Variants in ABCA6 observed in about 807,000 individuals in gnomAD.
ABCA6 encodes the protein ATP binding cassette subfamily A member 6.
A neutral mutation model predicts 191.2 loss-of-function variants in ABCA6; 164 were observed. The ratio of observed to expected loss-of-function variants is 0.86; its 90% CI spans 0.76 to 0.98. The LOEUF (loss-of-function observed/expected upper bound fraction) is 0.98, where lower values mean the gene tolerates loss of function less well. Among genes scored for constraint, ABCA6 ranks in the 50% least tolerant of loss-of-function variants. The probability of loss-of-function intolerance (pLI) is 0.00; values close to 1 mark genes in which losing one functional copy is unlikely to be tolerated. For missense variants in ABCA6, 1,958 were observed against 1,894.1 expected, an observed-to-expected ratio of 1.03 and a Z score of -0.63; for synonymous variants, 636 against 647.7, an observed-to-expected ratio of 0.98 and a Z score of 0.27.
In ABCA6 at chr17:69,113,362, T is replaced by C. The variant is rs1326805521; in HGVS notation, c.1903-2A>G. The C allele has an allele frequency of 6.3e-7, 1 of 1,589,986 alleles. No homozygotes were observed. On this transcript the variant is annotated splice_acceptor_variant, in intron 14 of 38. Transcript: ENST00000284425. LOFTEE classifies it high-confidence loss of function. The stretch of plus-strand genomic sequence containing the variant: ...AGTTGGTTCATCTAAAAGCAAAATC[T>C]ACAGAGAATGAAGATATATAAAATA...
chr17:69,082,881 C>T lies in ABCA6; in HGVS notation c.4608G>A (p.Gly1536=), dbSNP rs776944594. 2.5e-6 allele frequency: 4 copies of T among 1,614,182 alleles called. No homozygotes were observed. In the South Asian group the frequency reaches 4.4e-5, roughly 18 times the overall value. Residue 1536 remains glycine, a synonymous_variant, in exon 36 of 39, where the codon GGG becomes GGA. Transcript: ENST00000284425. ...EILKLFPQAA[G]QERYSSLLTY... ...TCAAAAGCCCGTCTCACCTTTCCTG[C>T]CCTGCAGCCTGTGGGAAAAGCTTCA...
chr17:69,096,268 C>A lies in ABCA6; in HGVS notation c.3380G>T (p.Ser1127Ile), dbSNP rs1466035915. 3 of 1,517,426 alleles carry A rather than the reference C, an allele frequency of 2.0e-6. No homozygotes were observed. The highest frequency in any genetic ancestry group is 2.7e-6 in the Non-Finnish European group (3 of 1,129,574). The allele number at this position is 1,517,426 out of a possible 1,614,324, so 94.0% of individuals were successfully genotyped here. ...AAAGAAGTAAAATGACCAAAGGCCA[C>A]TGTTTTTTCTCCTTTTGCGAAAAAT... ...SFIFRKRRKN[S>I]GLWSFYFFFA... is the part of the protein sequence containing the mutation. Residue 1127 changes from serine (S) to isoleucine (I), a missense_variant, in exon 25 of 39, where the codon AGT becomes ATT. By Grantham distance (142) the Ser-to-Ile change is moderately radical. Coordinates refer to ENST00000284425, the MANE Select transcript of ABCA6 (RefSeq NM_080284.3).
At chr17:69,116,968 A>G (rs2084437457) in intron 11 of ABCA6, among the ~76,000 whole-genome samples, 1 of 152,114 alleles carries the variant, frequency 6.6e-6, no homozygotes, top group African/African-American at 2.4e-5. Flanking sequence ...CTTGATGAGT[A>G]CAAAGGTAGT....
intron 23 of ABCA6, among the ~76,000 whole-genome samples, chr17:69,097,245 G>A (rs1049554494): frequency 1.3e-5 from 2 of 152,132 alleles, no homozygotes; most frequent in Admixed American, 6.6e-5. Flanking sequence ...ACAAAAAGTA[G>A]TTGGGCATGG....
At chr17:69,113,891 G>A (rs147476672) in intron 13 of ABCA6, among the ~76,000 whole-genome samples, 154 bp from the exon 14 acceptor site, 6,474 of 152,104 alleles carry the variant, frequency 0.043, 153 homozygotes, top group South Asian at 0.066. Context: ...TTAGTATGGC[G>A]ATCATTAAAA....
At position 69,140,642 on chromosome 17, in the gene ABCA6, A is replaced by G. The variant is rs2074012415; in HGVS notation, c.62T>C (p.Leu21Pro). The G allele has an allele frequency of 6.2e-7, 1 of 1,600,726 alleles. No homozygotes were observed. The highest frequency in any genetic ancestry group is 8.5e-7 in the Non-Finnish European group (1 of 1,174,136). ...QTKALLCKNF[L>P]KKWRMKRESL... ...CTCTCTTTTCATCCTCCATTTCTTA[A>G]GAAAATTCTTGCACAGAAGTGCTTT... Residue 21 changes from leucine to proline, a missense_variant, in exon 2 of 39, where the codon CTT (leucine) becomes CCT (proline). Physicochemically the swap from Leu to Pro is moderately conservative, Grantham distance 98 (BLOSUM62 -3). Transcript: ENST00000284425.
intron 11 of ABCA6, among the ~76,000 whole-genome samples, chr17:69,117,140 C>A (rs1273581097): frequency 6.6e-6 from 1 of 151,866 alleles, no homozygotes; most frequent in African/African-American, 2.4e-5. Context: ...TCTCAAAGAC[C>A]TAATCTAAAA....
chr17:69,129,526 G>T, intron 7 of ABCA6, 84 bp downstream of exon 7: 1 of 1,165,144 alleles, frequency 8.6e-7, no homozygotes, highest in Non-Finnish European at 1.2e-6. Context: ...AGTAGTGATT[G>T]CAGTAACCTA....
intron 31 of ABCA6, 73 bp from the exon 32 acceptor site, chr17:69,085,255 A>G: frequency 1.4e-6 from 2 of 1,429,264 alleles, no homozygotes; most frequent in Non-Finnish European, 9.4e-7. Context: ...AGAAACTGAC[A>G]TATATAAGCG....
In ABCA6 at chr17:69,136,366, T is replaced by C. The variant is rs924659152; in HGVS notation, c.302-116A>G. 4.5e-6 allele frequency: 4 copies of C among 883,436 alleles called. No individual in the cohort carries two copies. In the African/African-American group the frequency reaches 7.0e-5, roughly 15 times the overall value. 54.7% of individuals were successfully genotyped at this position (883,436 alleles called of 1,614,324 possible). A position where few individuals can be genotyped will look rare whatever the true frequency, so the allele number is the denominator to read the frequency against. On this transcript the variant is annotated intron_variant, in intron 3 of 38. Transcript: ENST00000284425. ...CATTAGACTTAAATTAAAATCATTT[T>C]CCATTTAAATCAATTTTAACCCAAA...
chr17:69,081,274 AATATGAAATCACAG>A, intron 36 of ABCA6, 129 bp from the exon 37 acceptor site: 1 of 551,232 alleles, frequency 1.8e-6, no homozygotes, highest in Middle Eastern at 2.9e-4. Flanking sequence ...GTATGGCTTA[AATATGAAATCACAG>A]CATTGTTTTG....
At chr17:69,116,660 T>C (rs1194838790) in intron 11 of ABCA6, among the ~76,000 whole-genome samples, 1 of 152,084 alleles carries the variant, frequency 6.6e-6, no homozygotes, top group Non-Finnish European at 1.5e-5. Flanking sequence ...GTGGTATCCA[T>C]ATAATGGAAT....
At chr17:69,133,547 AG>A in intron 6 of ABCA6, 93 bp downstream of exon 6, 3 of 957,978 alleles carry the variant, frequency 3.1e-6, no homozygotes, top group Non-Finnish European at 4.7e-6. Flanking sequence ...CAATGCATCA[AG>A]TTTAAACCAT....
chr17:69,089,573 T>G (rs1224759852), intron 26 of ABCA6, 31 bp from the exon 27 acceptor site: 1 of 1,477,400 alleles, frequency 6.8e-7, no homozygotes, highest in Non-Finnish European at 9.4e-7. Context: ...ACACACACAC[T>G]AATGATAATT....
chr17:69,115,415 G>C lies in ABCA6; in HGVS notation c.1567C>G (p.Leu523Val). 1 of 1,611,816 alleles carries C rather than the reference G, an allele frequency of 6.2e-7. No individual in the cohort carries two copies. Among genetic ancestry groups the C allele is most frequent in the Non-Finnish European group, 8.5e-7 (1 of 1,178,840 alleles). ...LGHSGAGKSS[L>V]LNILNGLSVP... is the part of the protein sequence containing the mutation. ...GACAATCCATTAAGAATATTTAGCA[G>C]TGAAGATTTGCCAGCTCCACTGTGA... The change falls in exon 12 of 39, where the codon CTG (leucine) becomes GTG (valine). Residue 523 changes from leucine (L) to valine (V), a missense_variant. Transcript: ENST00000284425.
intron 6 of ABCA6, among the ~76,000 whole-genome samples, chr17:69,132,543 C>A (rs186698331): frequency 2.6e-5 from 4 of 152,122 alleles, no homozygotes; most frequent in African/African-American, 9.7e-5. Flanking sequence ...TGCAGTAGCA[C>A]GATCTCAGTT....
chr17:69,133,000 A>C (rs759964119), intron 6 of ABCA6, among the ~76,000 whole-genome samples: 19 of 152,206 alleles, frequency 1.2e-4, no homozygotes, highest in Non-Finnish European at 2.6e-4. Flanking sequence ...TTTCAAAATC[A>C]CTTTAAATTG....
chr17:69,084,969 C>T, intron 32 of ABCA6, 59 bp downstream of exon 32: 1 of 1,515,144 alleles, frequency 6.6e-7, no homozygotes, highest in East Asian at 2.4e-5. Flanking sequence ...GTGAATTCAT[C>T]ATCAGTGCTA....
intron 22 of ABCA6, among the ~76,000 whole-genome samples, chr17:69,100,267 T>G (rs2073148107): frequency 6.6e-6 from 1 of 152,202 alleles, no homozygotes; most frequent in South Asian, 2.1e-4. Flanking sequence ...GAAGCCAGAC[T>G]ATAGCCAACT....
Sources: gnomAD v4.1 joint callset for allele counts (sites outside exome capture counted in the v4.1 genomes callset) on GRCh38, gnomAD v4.1.1 for gene constraint, MANE v1.5 for transcripts, NCBI Gene and HGNC (gene_info 2026-07-23, HGNC 2026-07-21) for gene names.